Variants in DLG2 observed in about 807,000 individuals in gnomAD.
The protein encoded by DLG2 is disks large homolog 2.
In DLG2, 45 loss-of-function variants were observed where a neutral mutation model predicts 132.5. That is an observed-to-expected ratio of 0.34 (90% CI 0.27 to 0.44). The LOEUF is 0.44. DLG2 is among the 20% of genes least tolerant of loss of function. The probability of loss-of-function intolerance (pLI) is 1.00; values close to 1 mark genes in which losing one functional copy is unlikely to be tolerated. For synonymous variants in DLG2, 424 were observed against 419.6 expected (o/e 1.01, Z -0.13); for missense variants, 1,045 against 1,196.9 (o/e 0.87, Z 1.87).
At chr11:83,555,960 A>G (rs994176367) in intron 19 of DLG2, among the ~76,000 whole-genome samples, 2 of 152,254 alleles carry the variant, frequency 1.3e-5, no homozygotes, top group East Asian at 1.9e-4. Flanking sequence ...TTTAGCAAAT[A>G]TAACAAGTCT....
At chr11:84,777,265 ATGTATATGTG>A (rs1287436849) in intron 6 of DLG2, among the ~76,000 whole-genome samples, 10 of 129,808 alleles carry the variant, frequency 7.7e-5, no homozygotes, top group African/African-American at 2.8e-4. Context: ...TTGTGTGTGT[ATGTATATGTG>A]TGTGTGTATA....
chr11:84,841,828 C>T (rs1311225652), intron 6 of DLG2, among the ~76,000 whole-genome samples: 1 of 151,888 alleles, frequency 6.6e-6, no homozygotes, highest in Non-Finnish European at 1.5e-5. Context: ...TAAGAATATG[C>T]TCATTTGATG....
chr11:84,833,506 G>C (rs949629387), intron 6 of DLG2, among the ~76,000 whole-genome samples: 3 of 151,300 alleles, frequency 2.0e-5, no homozygotes, highest in Non-Finnish European at 4.4e-5. Context: ...CTGTGACTTA[G>C]ACCACACTGG....
intron 15 of DLG2, among the ~76,000 whole-genome samples, chr11:83,879,272 C>A (rs927269507): frequency 2.0e-5 from 3 of 152,054 alleles, no homozygotes; most frequent in Admixed American, 6.6e-5. Context: ...ATGGACAGCA[C>A]AAAAAGTTTT....
intron 5 of DLG2, among the ~76,000 whole-genome samples, chr11:85,146,250 C>CTCTT (rs995888254): frequency 6.6e-6 from 1 of 151,682 alleles, no homozygotes; most frequent in African/African-American, 2.4e-5. Flanking sequence ...CTCTCTCTCT[C>CTCTT]TCTCTCTCTC....
chr11:85,527,705 T>C (rs1262219609), intron 3 of DLG2, among the ~76,000 whole-genome samples: 4 of 152,234 alleles, frequency 2.6e-5, no homozygotes, highest in Admixed American at 2.6e-4. Flanking sequence ...CCTTTGGGTA[T>C]ATACCCATTA....
In DLG2 at chr11:83,690,007, TATA is replaced by T. The variant is rs529074514; in HGVS notation, c.1826-56685_1826-56683del. The stretch of plus-strand genomic sequence containing the variant: ...ATATTTATTATAATATTATATTTAT[TATA>T]ATATTTAATAAATATTTATGTAAAT... On this transcript the variant is annotated intron_variant, in intron 18 of 27. Transcript: ENST00000376104. Among the ~76,000 whole-genome samples the T allele has an allele frequency of 8.3e-3, 1,203 of 145,288 alleles. 16 individuals carry two copies. The highest frequency in any genetic ancestry group is 0.028 in the African/African-American group (1,103 of 40,062).
intron 3 of DLG2, among the ~76,000 whole-genome samples, chr11:85,513,750 G>A (rs1309628387): frequency 6.6e-6 from 1 of 151,750 alleles, no homozygotes; most frequent in Non-Finnish European, 1.5e-5. Flanking sequence ...GCCATTAGAA[G>A]TATCTTTTTG....
At chr11:84,591,474 C>G (rs1232708066) in intron 6 of DLG2, among the ~76,000 whole-genome samples, 1 of 151,722 alleles carries the variant, frequency 6.6e-6, no homozygotes, top group Non-Finnish European at 1.5e-5. Context: ...TGAGACCAAC[C>G]TGGTCAACAT....
rs532340094 is a variant in DLG2 at position 85,500,644 on chromosome 11, A to C, written c.40+98013T>G. ...ACACCAATAACAGACAAACAGCCAA[A>C]TCATGAGTGAATTCCCATTCACAAT... On this transcript the variant is annotated intron_variant, in intron 3 of 27. Transcript: ENST00000376104. Among the ~76,000 whole-genome samples the C allele has an allele frequency of 4.9e-4, 74 of 152,298 alleles. 2 individuals are homozygous for C. Among genetic ancestry groups the C allele is most frequent in the African/African-American group, 1.6e-3 (68 of 41,574 alleles).
chr11:83,743,949 C>T (rs1354728133), intron 18 of DLG2, among the ~76,000 whole-genome samples: 1 of 152,114 alleles, frequency 6.6e-6, no homozygotes, highest in Non-Finnish European at 1.5e-5. Flanking sequence ...TATGGGATTT[C>T]CTGACTACAG....
At chr11:83,924,918 T>C (rs1216045200) in intron 15 of DLG2, among the ~76,000 whole-genome samples, 1 of 152,114 alleles carries the variant, frequency 6.6e-6, no homozygotes, top group Non-Finnish European at 1.5e-5. Context: ...ATGCTTCTTA[T>C]ACATGATTAG....
intron 6 of DLG2, among the ~76,000 whole-genome samples, chr11:85,056,034 A>G (rs956337926): frequency 2.0e-5 from 3 of 152,144 alleles, no homozygotes; most frequent in Non-Finnish European, 4.4e-5. Flanking sequence ...CCAAAGAGAG[A>G]TAACATTCAG....
chr11:84,744,912 A>AG (rs1237604504), intron 6 of DLG2, among the ~76,000 whole-genome samples: 2 of 150,822 alleles, frequency 1.3e-5, no homozygotes, highest in Non-Finnish European at 3.0e-5. Flanking sequence ...AAAAAAAAAA[A>AG]AAAAAAAGAA....
At chr11:84,336,754 A>G (rs2098486554) in intron 7 of DLG2, among the ~76,000 whole-genome samples, 1 of 152,196 alleles carries the variant, frequency 6.6e-6, no homozygotes, top group Non-Finnish European at 1.5e-5. Flanking sequence ...GTCTGTGGCT[A>G]TGTACCTCTT....
intron 8 of DLG2, among the ~76,000 whole-genome samples, chr11:84,233,064 C>A (rs1001158839): frequency 6.6e-6 from 1 of 152,156 alleles, no homozygotes; most frequent in African/African-American, 2.4e-5. Flanking sequence ...AGCTAAAAAA[C>A]GATAGCTTCC....
At chr11:85,534,693 AT>A (rs1361882123) in intron 3 of DLG2, among the ~76,000 whole-genome samples, 2 of 152,218 alleles carry the variant, frequency 1.3e-5, no homozygotes, top group African/African-American at 4.8e-5. Context: ...GAATATCAGT[AT>A]TCCATGTGTG....
rs1254194860 is a variant in DLG2 at position 84,746,541 on chromosome 11, G to T, written c.358-211810C>A. On this transcript the variant is annotated intron_variant, in intron 6 of 27. Transcript: ENST00000376104. ...AGCCTTAGACAAGTCACTTAACTCTGAGGCTCAGTTTCTATATCTATAAGA... is the reference window on the plus strand; with the variant it reads ...AGCCTTAGACAAGTCACTTAACTCTTAGGCTCAGTTTCTATATCTATAAGA... Among the ~76,000 whole-genome samples, 7 of 152,082 alleles carry T rather than the reference G, an allele frequency of 4.6e-5. No homozygotes were observed. The East Asian group carries it at 1.4e-3, about 29-fold the overall frequency.
At chr11:85,610,286 G>A (rs2080897107) in intron 2 of DLG2, among the ~76,000 whole-genome samples, 1 of 152,208 alleles carries the variant, frequency 6.6e-6, no homozygotes, top group Non-Finnish European at 1.5e-5. Context: ...TACAAAAACT[G>A]AATGGTCAGT....
Sources: allele counts gnomAD v4.1 joint callset (sites outside exome capture counted in the v4.1 genomes callset), GRCh38; gene constraint gnomAD v4.1.1; transcripts MANE v1.5; gene names NCBI Gene and HGNC (gene_info 2026-07-23, HGNC 2026-07-21).